The following SLC35F1 variants were observed in gnomAD, a reference collection of about 807,000 sequenced individuals.
SLC35F1 encodes the protein chromosome 6 open reading frame 169.
A neutral mutation model predicts 48.7 loss-of-function variants in SLC35F1; 14 were observed. The ratio of observed to expected loss-of-function variants is 0.29; its 90% CI spans 0.19 to 0.45. The LOEUF (loss-of-function observed/expected upper bound fraction) is 0.45, where lower values mean the gene tolerates loss of function less well. Ranked by LOEUF, SLC35F1 falls within the 20% of genes least tolerant of loss-of-function variation. The pLI is 1.00. For synonymous variants in SLC35F1, 190 were observed against 202.2 expected, an observed-to-expected ratio of 0.94 and a Z score of 0.51; for missense variants, 404 against 500.0, an observed-to-expected ratio of 0.81 and a Z score of 1.83.
intron 2 of SLC35F1, among the ~76,000 whole-genome samples, chr6:118,158,013 G>A (rs1418583343): frequency 6.6e-6 from 1 of 152,190 alleles, no homozygotes; most frequent in East Asian, 1.9e-4. Flanking sequence ...ACTAGGAGCA[G>A]CAAGGAATTT....
chr6:118,075,925 C>A (rs1420562677), intron 1 of SLC35F1, among the ~76,000 whole-genome samples: 2 of 152,138 alleles, frequency 1.3e-5, no homozygotes, highest in Admixed American at 6.5e-5. Flanking sequence ...TGCAAAAGAT[C>A]TGATAATGCT....
At chr6:118,015,517 C>T (rs946883094) in intron 1 of SLC35F1, among the ~76,000 whole-genome samples, 19 of 151,872 alleles carry the variant, frequency 1.3e-4, no homozygotes, top group African/African-American at 4.6e-4. Flanking sequence ...CATCATTTAG[C>T]TCCCACAGAG....
intron 1 of SLC35F1, among the ~76,000 whole-genome samples, chr6:117,988,898 A>G (rs1216508371): frequency 1.3e-5 from 2 of 152,240 alleles, no homozygotes; most frequent in Non-Finnish European, 1.5e-5. Flanking sequence ...TAATGCCACT[A>G]AACTGCACAC....
intron 2 of SLC35F1, among the ~76,000 whole-genome samples, chr6:118,201,061 G>A (rs12524261): frequency 0.5 from 76,688 of 151,912 alleles, 20,798 homozygotes; most frequent in Non-Finnish European, 0.62. Context: ...ACAGGTGCAT[G>A]CCACCATGCC....
At chr6:118,257,439 G>A (rs1486503920) in intron 3 of SLC35F1, among the ~76,000 whole-genome samples, 1 of 152,152 alleles carries the variant, frequency 6.6e-6, no homozygotes, top group African/African-American at 2.4e-5. Flanking sequence ...TTGAGGCTAA[G>A]TTAAATTGGA....
At chr6:118,297,968 G>T (rs1320439293) in intron 7 of SLC35F1, among the ~76,000 whole-genome samples, 1 of 151,722 alleles carries the variant, frequency 6.6e-6, no homozygotes, top group African/African-American at 2.4e-5. Context: ...TGCATGCTCT[G>T]TGAGTTCACA....
At chr6:118,306,689 A>G (rs1776315973) in intron 7 of SLC35F1, among the ~76,000 whole-genome samples, 1 of 152,238 alleles carries the variant, frequency 6.6e-6, no homozygotes, top group South Asian at 2.1e-4. Flanking sequence ...ATTCCCACAG[A>G]GTAAGCCCCT....
At chr6:118,039,796 A>ATTTTTTTT (rs1312799873) in intron 1 of SLC35F1, among the ~76,000 whole-genome samples, 1 of 55,914 alleles carries the variant, frequency 1.8e-5, no homozygotes, top group Admixed American at 1.8e-4. Flanking sequence ...GCATCTCAGG[A>ATTTTTTTT]TTGTTTTTTT....
At chr6:118,119,426 A>G (rs528955928) in intron 1 of SLC35F1, among the ~76,000 whole-genome samples, 5 of 151,018 alleles carry the variant, frequency 3.3e-5, no homozygotes, top group African/African-American at 1.2e-4. Flanking sequence ...CAGTCTTGAC[A>G]GTTTACCTAA....
chr6:118,022,034 C>T (rs1562266544), intron 1 of SLC35F1, among the ~76,000 whole-genome samples: 1 of 152,160 alleles, frequency 6.6e-6, no homozygotes, highest in Non-Finnish European at 1.5e-5. Context: ...AAAGGCTACC[C>T]ACATTCCAGG....
intron 1 of SLC35F1, among the ~76,000 whole-genome samples, chr6:117,994,868 AT>A (rs1394955356): frequency 3.3e-5 from 5 of 152,266 alleles, no homozygotes; most frequent in African/African-American, 7.2e-5. Context: ...TTACATGCCT[AT>A]TTTTTTCAAT....
At chr6:117,922,158 T>C (rs1320209289) in intron 1 of SLC35F1, among the ~76,000 whole-genome samples, 3 of 152,130 alleles carry the variant, frequency 2.0e-5, no homozygotes, top group South Asian at 2.1e-4. Flanking sequence ...CCAAGAGTGG[T>C]TGGAGGAGAT....
chr6:117,970,364 C>A (rs1776622962), intron 1 of SLC35F1, among the ~76,000 whole-genome samples: 1 of 152,210 alleles, frequency 6.6e-6, no homozygotes, highest in Non-Finnish European at 1.5e-5. Flanking sequence ...TCATCAAGCA[C>A]CTTAGTGAAA....
At chr6:118,203,374 T>G (rs1774894885) in intron 2 of SLC35F1, among the ~76,000 whole-genome samples, 1 of 152,200 alleles carries the variant, frequency 6.6e-6, no homozygotes. Flanking sequence ...CAAGATACCC[T>G]CCCCTCAGGG....
Position 118,213,039 on chromosome 6 carries a change from T to A in SLC35F1, c.350-22470T>A, listed in dbSNP as rs182876224. Among the ~76,000 whole-genome samples the A allele has an allele frequency of 7.2e-5, 11 of 152,290 alleles. No individual in the cohort carries two copies. The East Asian group carries it at 2.1e-3, about 29-fold the overall frequency. On this transcript the variant is annotated intron_variant, in intron 2 of 7. Coordinates refer to ENST00000360388, the MANE Select transcript of SLC35F1 (RefSeq NM_001029858.4). Reference sequence around the variant, plus strand: ...ATACTTCATCACATTATTGTAAACATGCCAGTACAAGTTGAGGCAAGTTTG... The same window carrying A: ...ATACTTCATCACATTATTGTAAACAAGCCAGTACAAGTTGAGGCAAGTTTG...
intron 1 of SLC35F1, among the ~76,000 whole-genome samples, chr6:118,119,500 C>CCA (rs1197172439): frequency 1.2e-5 from 1 of 80,468 alleles, no homozygotes; most frequent in Non-Finnish European, 2.3e-5. Context: ...CGGCGCCCCC[C>CCA]CTCCACCCCG....
At chr6:117,983,258 C>T (rs1776805172) in intron 1 of SLC35F1, among the ~76,000 whole-genome samples, 1 of 152,154 alleles carries the variant, frequency 6.6e-6, no homozygotes, top group African/African-American at 2.4e-5. Flanking sequence ...CAAGCACACA[C>T]CTTTGGACAA....
rs996770440 is a variant in SLC35F1 at position 117,986,265 on chromosome 6, G to A, written c.173+78366G>A. 3.9e-5 allele frequency among the ~76,000 whole-genome samples: 6 copies of A among 152,104 alleles called. 1 individual carries two copies. The highest frequency in any genetic ancestry group is 2.6e-4 in the Admixed American group (4 of 15,274). On this transcript the variant is annotated intron_variant, in intron 1 of 7. Coordinates refer to ENST00000360388, the MANE Select transcript of SLC35F1 (RefSeq NM_001029858.4). ...AGCTGTGGCCAGGGATATAGCTCCC[G>A]TAGTTTAAACATGGCCATCAGAGAC...
chr6:118,240,796 T>C (rs1466815072), intron 3 of SLC35F1, among the ~76,000 whole-genome samples: 2 of 151,962 alleles, frequency 1.3e-5, no homozygotes, highest in Non-Finnish European at 2.9e-5. Context: ...AGGCCCTATG[T>C]TGGGATGGAC....
Sources: allele counts gnomAD v4.1 joint callset (sites outside exome capture counted in the v4.1 genomes callset), GRCh38; gene constraint gnomAD v4.1.1; transcripts MANE v1.5; gene names NCBI Gene and HGNC (gene_info 2026-07-23, HGNC 2026-07-21).